Variants in RMC1 observed in about 807,000 individuals in gnomAD.
RMC1 encodes the protein regulator of MON1-CCZ1 complex.
Under a neutral mutation model 95.5 loss-of-function variants are expected in RMC1, and 44 were observed. That is an observed-to-expected ratio of 0.46 (90% confidence interval 0.36 to 0.59). RMC1 has a LOEUF of 0.59. RMC1 is among the 20% of genes least tolerant of loss of function. The pLI is 0.00. For missense variants in RMC1, 705 were observed against 819.6 expected (o/e 0.86, Z 1.71); for synonymous variants, 320 against 303.6 (o/e 1.05, Z -0.56).
At chr18:23,518,822 G>A in intron 7 of RMC1, 68 bp from the exon 8 acceptor site, 2 of 1,391,632 alleles carry the variant, frequency 1.4e-6, no homozygotes, top group Non-Finnish European at 2.0e-6. Flanking sequence ...ACTTAACCGT[G>A]ATGCCATTTA....
At chr18:23,505,653 T>A (rs147628413) in intron 2 of RMC1, among the ~76,000 whole-genome samples, 1 of 152,316 alleles carries the variant, frequency 6.6e-6, no homozygotes, top group African/African-American at 2.4e-5. Flanking sequence ...GAGTTAGGGA[T>A]GCTATGGAGA....
rs536923700 is a variant in RMC1, at chr18:23,504,364, C to T, written c.103-7C>T. 1.2e-6 allele frequency: 2 copies of T among 1,613,582 alleles called. No individual in the cohort carries two copies. The highest frequency in any genetic ancestry group is 2.2e-5 in the South Asian group (2 of 91,070). ...AGGCTGTTAACCTTGCTGCTTTTCC[C>T]TCTCAGGTTTTTGCTGTTCGATCTG... On this transcript the variant is annotated splice_polypyrimidine_tract_variant and splice_region_variant and intron_variant, in intron 1 of 19. Transcript: ENST00000269221.
At chr18:23,514,216 G>A (rs772669735) in intron 5 of RMC1, among the ~76,000 whole-genome samples, 2 of 152,128 alleles carry the variant, frequency 1.3e-5, no homozygotes, top group African/African-American at 4.8e-5. Flanking sequence ...GGCCATCATC[G>A]AAATCTTAGT....
chr18:23,524,667 A>T (rs2058241487), intron 12 of RMC1, among the ~76,000 whole-genome samples, 185 bp downstream of exon 12: 2 of 151,812 alleles, frequency 1.3e-5, no homozygotes, highest in Non-Finnish European at 2.9e-5. Flanking sequence ...TCAAGAACAT[A>T]TACTACTTTT....
At chr18:23,529,876 C>A in intron 16 of RMC1, 152 bp from the exon 17 acceptor site, 1 of 1,033,416 alleles carries the variant, frequency 9.7e-7, no homozygotes, top group South Asian at 1.5e-5. Flanking sequence ...AGTGTAAGGT[C>A]AAGTTGGGGT....
rs370291227 is a variant in RMC1, at chr18:23,519,025, T to C, written c.744-44T>C. The C allele has an allele frequency of 4.8e-5, 77 of 1,613,090 alleles. No homozygotes were observed. In the Admixed American group the frequency reaches 5.5e-4, roughly 12 times the overall value. On this transcript the variant is annotated intron_variant, in intron 8 of 19. Transcript: ENST00000269221. The stretch of plus-strand genomic sequence containing the variant: ...TCCCTCTCTCTCTGATTTTAAAATG[T>C]GAACTGCAGCTTGTTGATCTGTTTT...
At chr18:23,523,543 C>CAAAAAAAAAAAA (rs374224848) in intron 10 of RMC1, among the ~76,000 whole-genome samples, 18 of 76,402 alleles carry the variant, frequency 2.4e-4, no homozygotes, top group East Asian at 5.3e-4. Flanking sequence ...CTTGTCTTCA[C>CAAAAAAAAAAAA]AAAAAAAAAA....
At chr18:23,517,552 T>TG (rs2058041786) in intron 7 of RMC1, among the ~76,000 whole-genome samples, 1 of 152,234 alleles carries the variant, frequency 6.6e-6, no homozygotes, top group South Asian at 2.1e-4. Context: ...AACCCCTGTA[T>TG]GCCTGTATCT....
chr18:23,507,354 G>A (rs1008276576), intron 3 of RMC1, among the ~76,000 whole-genome samples: 4 of 152,070 alleles, frequency 2.6e-5, no homozygotes, highest in Non-Finnish European at 5.9e-5. Flanking sequence ...CGATCTCTCA[G>A]GCTCAAGTGA....
At position 23,503,635 on chromosome 18, in the gene RMC1, A is replaced by C; in HGVS notation, c.17A>C (p.Tyr6Ser). The C allele has an allele frequency of 2.5e-6, 4 of 1,575,348 alleles. No homozygotes were observed. The highest frequency in any genetic ancestry group is 3.4e-6 in the Non-Finnish European group (4 of 1,161,832). Reference sequence around the variant, plus strand: ...GCGCCCGCCATGGGCGAGGAGGACTACTATCTGGAGCTGTGCGAGCGGCCG... The same window carrying C: ...GCGCCCGCCATGGGCGAGGAGGACTCCTATCTGGAGCTGTGCGAGCGGCCG... MGEEDYYLELCERPVQ... is the reference protein window; with the variant it reads MGEEDSYLELCERPVQ... The change falls in exon 1 of 20, where the codon TAC (tyrosine) becomes TCC (serine). Residue 6 changes from tyrosine (Y) to serine (S), a missense_variant. Transcript: ENST00000269221.
At chr18:23,529,795 T>TA (rs2058434659) in intron 16 of RMC1, 83 bp downstream of exon 16, 3 of 1,368,102 alleles carry the variant, frequency 2.2e-6, no homozygotes, top group Admixed American at 1.8e-5. Flanking sequence ...AGATGACTCA[T>TA]ATGCTAAGAC....
chr18:23,504,062 T>C (rs1056501299), intron 1 of RMC1, among the ~76,000 whole-genome samples: 1 of 152,240 alleles, frequency 6.6e-6, no homozygotes, highest in Admixed American at 6.5e-5. Context: ...AGATTTTCAT[T>C]TTCCTTGAAA....
rs147691863 is a variant in RMC1, at chr18:23,520,265, C to T, written c.913C>T (p.Pro305Ser). The change falls in exon 10 of 20, where the codon CCC becomes TCC. Residue 305 changes from proline to serine, a missense_variant. Transcript: ENST00000269221. ...TGACGGCTCCGTTACCTTCCACCAC[C>T]CCGTGCTTCCCGCTCGATCGATCCA... ...EFDGSVTFHH[P>S]VLPARSIQPY... 13 of 1,614,108 alleles carry T rather than the reference C, an allele frequency of 8.1e-6. No homozygotes were observed. Among genetic ancestry groups the T allele is most frequent in the Non-Finnish European group, 1.1e-5 (13 of 1,180,018 alleles).
At position 23,513,861 on chromosome 18, in the gene RMC1, A is replaced by G. The variant is rs577062476; in HGVS notation, c.409-1995A>G. The stretch of plus-strand genomic sequence containing the variant: ...ATGACTAATTCGGGTCATTGTGCCT[A>G]TTTTTAAAATCAAATTACTATTATT... On this transcript the variant is annotated intron_variant, in intron 5 of 19. Coordinates refer to ENST00000269221, the MANE Select transcript of RMC1 (RefSeq NM_013326.5). Among the ~76,000 whole-genome samples, 10 of 152,356 alleles carry G rather than the reference A, an allele frequency of 6.6e-5. No individual in the cohort carries two copies. The East Asian group carries it at 1.9e-3, about 29-fold the overall frequency.
chr18:23,504,040 G>A (rs749626276), intron 1 of RMC1, among the ~76,000 whole-genome samples: 1 of 152,230 alleles, frequency 6.6e-6, no homozygotes, highest in Non-Finnish European at 1.5e-5. Flanking sequence ...GTAGTCAAGG[G>A]TTTAGACGTC....
rs575880161 is a variant in RMC1, at chr18:23,507,927, G to C, written c.265-58G>C. 248 of 1,489,922 alleles carry C rather than the reference G, an allele frequency of 1.7e-4. 1 individual carries two copies. The South Asian group carries it at 2.8e-3, about 17-fold the overall frequency. The allele number at this position is 1,489,922 out of a possible 1,614,324, so 92.3% of individuals were successfully genotyped here. A position where few individuals can be genotyped will look rare whatever the true frequency, so the allele number is the denominator to read the frequency against. ...TCTTGTCTTGTAGTATGCCAACGTA[G>C]GTTGGCAGTATGCTGCCTAATCCAA... On this transcript the variant is annotated intron_variant, in intron 3 of 19. Coordinates refer to ENST00000269221, the MANE Select transcript of RMC1 (RefSeq NM_013326.5).
chr18:23,509,245 T>C lies in RMC1; in HGVS notation c.374T>C (p.Val125Ala). The change falls in exon 5 of 20, where the codon GTC becomes GCC. Residue 125 changes from valine to alanine, a missense_variant. By Grantham distance (64) the Val-to-Ala change is moderately conservative (BLOSUM62 0). Coordinates refer to ENST00000269221, the MANE Select transcript of RMC1 (RefSeq NM_013326.5). ...GFCWTSSTEI[V>A]FITDQGIEFY... The stretch of plus-strand genomic sequence containing the variant: ...TGCTGGACTAGTTCAACTGAAATTG[T>C]CTTCATAACAGATCAAGGAATCGAA... The C allele has an allele frequency of 6.9e-7, 1 of 1,459,376 alleles. No individual in the cohort carries two copies. Among genetic ancestry groups the C allele is most frequent in the South Asian group, 1.6e-5 (1 of 60,648 alleles). 90.4% of individuals were successfully genotyped at this position (1,459,376 alleles called of 1,614,324 possible).
intron 3 of RMC1, among the ~76,000 whole-genome samples, chr18:23,507,372 G>A (rs1452133575): frequency 2.0e-5 from 3 of 152,166 alleles, no homozygotes; most frequent in East Asian, 3.9e-4. Flanking sequence ...TGATTCTCTC[G>A]CCTCAGTCTC....
At chr18:23,505,229 T>A (rs1364888457) in intron 2 of RMC1, among the ~76,000 whole-genome samples, 1 of 152,088 alleles carries the variant, frequency 6.6e-6, no homozygotes, top group Non-Finnish European at 1.5e-5. Context: ...GGCTAATTTT[T>A]TTTGTATTTT....
Sources: gnomAD v4.1 joint callset for allele counts (sites outside exome capture counted in the v4.1 genomes callset) on GRCh38, gnomAD v4.1.1 for gene constraint, MANE v1.5 for transcripts, NCBI Gene and HGNC (gene_info 2026-07-23, HGNC 2026-07-21) for gene names.